FLT4: variants seen among roughly 807,000 people sequenced by gnomAD.
FLT4 encodes vascular endothelial growth factor receptor 3.
FLT4 carries 30 observed loss-of-function variants against 163.2 expected under a neutral mutation model. The observed-to-expected ratio is 0.18, with a 90% confidence interval of 0.14 to 0.25. The LOEUF (loss-of-function observed/expected upper bound fraction) is 0.25, where lower values mean the gene tolerates loss of function less well. Among genes scored for constraint, FLT4 ranks in the 10% least tolerant of loss-of-function variants. The pLI is 1.00. For missense variants in FLT4, 1,510 were observed against 1,863.8 expected (o/e 0.81, Z 3.50); for synonymous variants, 884 against 789.5 (o/e 1.12, Z -2.01).
At chr5:180,612,156 G>C (rs138005807) in intron 26 of FLT4, among the ~76,000 whole-genome samples, 1 of 152,212 alleles carries the variant, frequency 6.6e-6, no homozygotes, top group African/African-American at 2.4e-5. Context: ...TCAGTGGAGT[G>C]GGGGACAGAA....
chr5:180,631,245 G>C (rs907655792), intron 2 of FLT4, among the ~76,000 whole-genome samples: 22 of 151,978 alleles, frequency 1.4e-4, no homozygotes, highest in African/African-American at 4.8e-4. Flanking sequence ...AGGCTGAGGT[G>C]GGTGGGTTAC....
At chr5:180,627,267 A>AG (rs1763695936) in intron 8 of FLT4, among the ~76,000 whole-genome samples, 1 of 152,166 alleles carries the variant, frequency 6.6e-6, no homozygotes, top group South Asian at 2.1e-4. Context: ...AAGGGGAGGC[A>AG]GGGGCCCATT....
intron 19 of FLT4, 65 bp downstream of exon 19, chr5:180,619,188 C>T: frequency 7.6e-7 from 1 of 1,319,766 alleles, no homozygotes; most frequent in Non-Finnish European, 9.8e-7. Context: ...GCACCCGCGC[C>T]CCCTCCCGCC....
At position 180,626,008 on chromosome 5, in the gene FLT4, CCTT is replaced by C. The variant is rs938825119; in HGVS notation, c.1279_1281del (p.Lys427del). 12 of 1,612,714 alleles carry C rather than the reference CCTT, an allele frequency of 7.4e-6. No individual in the cohort carries two copies. The highest frequency in any genetic ancestry group is 7.6e-6 in the Non-Finnish European group (9 of 1,179,958). On this transcript the variant is annotated inframe_deletion, in exon 10 of 30. Coordinates refer to ENST00000261937, the MANE Select transcript of FLT4 (RefSeq NM_182925.5). ...GAGTAGATGCTGGGGGAGGAGGCCTCCTTCTCATGTATCTGGGGGGGCACTGTG... is the reference window on the plus strand; with the variant it reads ...GAGTAGATGCTGGGGGAGGAGGCCTCCTCATGTATCTGGGGGGGCACTGTG...
At chr5:180,627,408 G>A (rs1763711657) in intron 8 of FLT4, among the ~76,000 whole-genome samples, 1 of 152,204 alleles carries the variant, frequency 6.6e-6, no homozygotes, top group Non-Finnish European at 1.5e-5. Flanking sequence ...TCTGCCACTT[G>A]CTGGATCTGA....
chr5:180,628,943 C>T lies in FLT4; in HGVS notation c.1042G>A (p.Gly348Arg), dbSNP rs780835175. ...ACGGGCAGCTTCACCAGCTCGTCTCCTGCCGTGGCCTCCAGGATGGGTCCT... is the reference window on the plus strand; with the variant it reads ...ACGGGCAGCTTCACCAGCTCGTCTCTTGCCGTGGCCTCCAGGATGGGTCCT... ...LKGPILEATAGDELVKLPVKL... is the reference protein window; with the variant it reads ...LKGPILEATARDELVKLPVKL... The change falls in exon 8 of 30, where the codon GGA becomes AGA. Residue 348 changes from glycine (G) to arginine (R), a missense_variant. Coordinates refer to ENST00000261937, the MANE Select transcript of FLT4 (RefSeq NM_182925.5). The T allele has an allele frequency of 1.2e-6, 2 of 1,612,814 alleles. No individual in the cohort carries two copies. The highest frequency in any genetic ancestry group is 1.7e-6 in the Non-Finnish European group (2 of 1,179,986).
intron 13 of FLT4, 106 bp downstream of exon 13, chr5:180,621,436 C>G (rs954671881): frequency 2.6e-6 from 4 of 1,516,256 alleles, no homozygotes; most frequent in Non-Finnish European, 3.6e-6. Context: ...TCCTGCAGGC[C>G]AGGGCTGTGA....
rs2127816727 is a variant in FLT4 at position 180,621,638 on chromosome 5, G to A, written c.1924C>T (p.Arg642Cys). Residue 642 changes from arginine to cysteine, a missense_variant, in exon 13 of 30, where the codon CGC becomes TGC. By Grantham distance (180) the Arg-to-Cys change is radical. Coordinates refer to ENST00000261937, the MANE Select transcript of FLT4 (RefSeq NM_182925.5). ...RHATLSLSIP[R>C]VAPEHEGHYV... Reference sequence around the variant, plus strand: ...TGGCCCTCGTGCTCGGGCGCGACGCGGGGGATACTCAGGCTGAGCGTGGCG... The same window carrying A: ...TGGCCCTCGTGCTCGGGCGCGACGCAGGGGATACTCAGGCTGAGCGTGGCG... The A allele has an allele frequency of 6.2e-7, 1 of 1,606,560 alleles. No homozygotes were observed. Among genetic ancestry groups the A allele is most frequent in the Non-Finnish European group, 8.5e-7 (1 of 1,175,210 alleles).
intron 8 of FLT4, 21 bp from the exon 9 acceptor site, chr5:180,626,286 A>G: frequency 2.5e-6 from 4 of 1,609,882 alleles, no homozygotes; most frequent in Non-Finnish European, 2.5e-6. Flanking sequence ...AAGGGAGGTC[A>G]GGGCCCATAC....
chr5:180,626,839 A>C (rs1179017701), intron 8 of FLT4, among the ~76,000 whole-genome samples: 2 of 152,062 alleles, frequency 1.3e-5, no homozygotes, highest in African/African-American at 4.8e-5. Context: ...CCTGGCTCTC[A>C]CTGCCTGCCT....
intron 10 of FLT4, 33 bp from the exon 11 acceptor site, chr5:180,624,094 G>A (rs771190264): frequency 6.2e-7 from 1 of 1,607,696 alleles, no homozygotes; most frequent in Non-Finnish European, 8.5e-7. Context: ...GGGCAGGTCA[G>A]GGATACAGGC....
In FLT4 at chr5:180,621,852, C is replaced by T. The variant is rs758989887; in HGVS notation, c.1710G>A (p.Glu570=). The T allele has an allele frequency of 1.2e-5, 20 of 1,613,314 alleles. No individual in the cohort carries two copies. The African/African-American group carries it at 2.7e-4, about 22-fold the overall frequency. ...GGCAGCTCAGGAGCACCGGCTGGCC[C>T]TCTAGTAGCTCCTCGGATGGCTTGG... ...IESKPSEELL[E]GQPVLLSCQA... The change falls in exon 13 of 30, where the codon GAG becomes GAA. Residue 570 remains glutamate (E), a synonymous_variant. Transcript: ENST00000261937.
chr5:180,607,902 A>C (rs535987522), intron 29 of FLT4: 6,924 of 590,958 alleles, frequency 0.012, 94 homozygotes, highest in African/African-American at 0.044. Context: ...TCACGCTGGC[A>C]TAAGGGCCGC....
In FLT4 at chr5:180,626,207, CCTT is replaced by C; in HGVS notation, c.1159_1161del (p.Lys387del). 6 of 1,612,782 alleles carry C rather than the reference CCTT, an allele frequency of 3.7e-6. No individual in the cohort carries two copies. Among genetic ancestry groups the C allele is most frequent in the Non-Finnish European group, 4.2e-6 (5 of 1,179,974 alleles). The stretch of plus-strand genomic sequence containing the variant: ...GTGCCTGTGCTGGCCTCTGTCACCT[CCTT>C]GAGCACCAGGGCATGTGGACTGTGG... On this transcript the variant is annotated inframe_deletion, in exon 9 of 30. Coordinates refer to ENST00000261937, the MANE Select transcript of FLT4 (RefSeq NM_182925.5).
At position 180,630,613 on chromosome 5, in the gene FLT4, C is replaced by G; in HGVS notation, c.342G>C (p.Lys114Asn). The G allele has an allele frequency of 6.2e-7, 1 of 1,613,114 alleles. No homozygotes were observed. Among genetic ancestry groups the G allele is most frequent in the Non-Finnish European group, 8.5e-7 (1 of 1,179,996 alleles). ...NDTGSYVCYY[K>N]YIKARIEGTT... is the part of the protein sequence containing the mutation. Reference sequence around the variant, plus strand: ...TGCCCTCGATGCGTGCCTTGATGTACTTGTAGTAGCAGACGTAGCTGCCTG... The same window carrying G: ...TGCCCTCGATGCGTGCCTTGATGTAGTTGTAGTAGCAGACGTAGCTGCCTG... Residue 114 changes from lysine (K) to asparagine (N), a missense_variant, in exon 3 of 30, where the codon AAG becomes AAC. This residue lies in a region of FLT4 where 157 missense variants were observed against 178.7 expected (regional missense o/e 0.88). Coordinates refer to ENST00000261937, the MANE Select transcript of FLT4 (RefSeq NM_182925.5). The surrounding 1 kb of genome is among the most constrained non-coding windows in gnomAD (Gnocchi z 6.3).
intron 29 of FLT4, chr5:180,607,898 TGGCATAAGGGCCGCTTGAG>T: frequency 6.8e-6 from 4 of 585,030 alleles, no homozygotes; most frequent in South Asian, 6.2e-5. Context: ...TCTGTCACGC[TGGCATAAGGGCCGCTTGAG>T]GGCTCTTTGG....
chr5:180,625,549 G>A (rs536149626), intron 10 of FLT4, among the ~76,000 whole-genome samples: 1 of 152,346 alleles, frequency 6.6e-6, no homozygotes, highest in African/African-American at 2.4e-5. Flanking sequence ...AGAGACATGT[G>A]CTTCCTTCTC....
In FLT4 at chr5:180,630,386, G is replaced by T. The variant is rs368166423; in HGVS notation, c.401-49C>A. On this transcript the variant is annotated intron_variant, in intron 3 of 29. Transcript: ENST00000261937. The surrounding 1 kb of genome is among the most constrained non-coding windows in gnomAD (Gnocchi z 6.3). Reference sequence around the variant, plus strand: ...GGGGAAGGGACGTGGCGGCCAGGCTGGGGGAGGGCTCCACGGGGCTGGGTG... The same window carrying T: ...GGGGAAGGGACGTGGCGGCCAGGCTTGGGGAGGGCTCCACGGGGCTGGGTG... The T allele has an allele frequency of 1.8e-5, 29 of 1,572,062 alleles. No individual in the cohort carries two copies. In the East Asian group the frequency reaches 4.9e-4, roughly 27 times the overall value.
chr5:180,628,094 A>C (rs1054181707), intron 8 of FLT4, among the ~76,000 whole-genome samples: 3 of 152,134 alleles, frequency 2.0e-5, no homozygotes, highest in African/African-American at 7.2e-5. Flanking sequence ...GAAGAGAAGG[A>C]GGCTCTTGGG....
Sources: allele counts gnomAD v4.1 joint callset (sites outside exome capture counted in the v4.1 genomes callset), GRCh38; gene constraint gnomAD v4.1.1; regional missense constraint gnomAD v4.1.1; non-coding constraint Gnocchi (gnomAD v3.1); transcripts MANE v1.5; gene names NCBI Gene and HGNC (gene_info 2026-07-23, HGNC 2026-07-21).